SPTLC3: variants seen among roughly 807,000 people sequenced by gnomAD.
SPTLC3 encodes the protein serine palmitoyltransferase 3.
In SPTLC3, 36 loss-of-function variants were observed where a neutral mutation model predicts 59.3. The observed-to-expected ratio is 0.61, with a 90% confidence interval of 0.47 to 0.80. The LOEUF is 0.80. Ranked by LOEUF, SPTLC3 falls within the 30% of genes least tolerant of loss-of-function variation. The pLI is 0.00. For synonymous variants in SPTLC3, 257 were observed against 240.8 expected (o/e 1.07, Z -0.62); for missense variants, 625 against 685.1 (o/e 0.91, Z 0.98).
At position 13,110,116 on chromosome 20, in the gene SPTLC3, A is replaced by G. The variant is rs1320887099; in HGVS notation, c.831A>G (p.Thr277=). ...TTTTTTTGGTATTATTTAAAGACACACAAAGCCTAGAGAAGCTCCTGAGAG... is the reference window on the plus strand; with the variant it reads ...TTTTTTTGGTATTATTTAAAGACACGCAAAGCCTAGAGAAGCTCCTGAGAG... ...ATIRIFKHNN[T]QSLEKLLRDA... Residue 277 remains threonine (T), a synonymous_variant, in exon 7 of 12, where the codon ACA becomes ACG. Coordinates refer to ENST00000399002, the MANE Select transcript of SPTLC3 (RefSeq NM_018327.4). 4 of 1,604,534 alleles carry G rather than the reference A, an allele frequency of 2.5e-6. No individual in the cohort carries two copies. The South Asian group carries it at 3.4e-5, about 14-fold the overall frequency.
At chr20:13,054,146 G>T (rs941871199) in intron 2 of SPTLC3, among the ~76,000 whole-genome samples, 2 of 152,210 alleles carry the variant, frequency 1.3e-5, no homozygotes, top group African/African-American at 4.8e-5. Context: ...TGGTCCAGAG[G>T]TTAGAGAAAG....
Position 13,074,223 on chromosome 20 carries a change from T to C in SPTLC3, c.459-126T>C, listed in dbSNP as rs900638037. ...TCTGTTCCACCTCACAGATCTGAGC[T>C]GCCATCTCCTTGGTCACCTCATCCT... On this transcript the variant is annotated intron_variant, in intron 3 of 11. Transcript: ENST00000399002. The C allele has an allele frequency of 5.9e-6, 7 of 1,195,682 alleles. No individual in the cohort carries two copies. In the African/African-American group the frequency reaches 1.1e-4, roughly 18 times the overall value. The allele number at this position is 1,195,682 out of a possible 1,614,324, so 74.1% of individuals were successfully genotyped here.
chr20:13,105,124 G>C (rs570660873), intron 6 of SPTLC3, among the ~76,000 whole-genome samples: 1 of 152,298 alleles, frequency 6.6e-6, no homozygotes, highest in South Asian at 2.1e-4. Context: ...CCCACGCACT[G>C]TAGCCTTGTA....
intron 1 of SPTLC3, among the ~76,000 whole-genome samples, chr20:13,010,928 G>T (rs554364026): frequency 2.0e-5 from 3 of 152,180 alleles, no homozygotes; most frequent in Admixed American, 6.5e-5. Flanking sequence ...GATTCTAAAG[G>T]TTCATTATGA....
chr20:13,081,256 C>T (rs1988833166), intron 4 of SPTLC3, among the ~76,000 whole-genome samples: 1 of 152,162 alleles, frequency 6.6e-6, no homozygotes, highest in Non-Finnish European at 1.5e-5. Context: ...ACAGAAATAA[C>T]ATTGGTTAAT....
chr20:13,118,420 C>T (rs1005093075), intron 8 of SPTLC3, among the ~76,000 whole-genome samples: 4 of 125,262 alleles, frequency 3.2e-5, no homozygotes, highest in Admixed American at 1.1e-4. Flanking sequence ...CCCTGTCATT[C>T]TAGTGCCAAT....
At chr20:13,014,831 A>G (rs1309862737) in intron 1 of SPTLC3, among the ~76,000 whole-genome samples, 2 of 152,044 alleles carry the variant, frequency 1.3e-5, no homozygotes, top group Non-Finnish European at 2.9e-5. Flanking sequence ...ATTCCGGTCC[A>G]TAATCAGTTG....
At chr20:13,137,371 C>T (rs2038272345) in intron 9 of SPTLC3, among the ~76,000 whole-genome samples, 1 of 152,158 alleles carries the variant, frequency 6.6e-6, no homozygotes, top group Admixed American at 6.6e-5. Flanking sequence ...TAATGGGATG[C>T]TCCTCTTTTC....
chr20:13,101,878 G>C (rs567356653), intron 6 of SPTLC3, among the ~76,000 whole-genome samples: 7 of 152,228 alleles, frequency 4.6e-5, no homozygotes, highest in South Asian at 2.1e-4. Context: ...TCAGAGCAGC[G>C]AGACTGCAGG....
At chr20:13,071,277 C>G (rs1420172082) in intron 2 of SPTLC3, among the ~76,000 whole-genome samples, 1 of 152,186 alleles carries the variant, frequency 6.6e-6, no homozygotes, top group Admixed American at 6.5e-5. Context: ...TTACAGCATT[C>G]TGGTTTTAGT....
intron 9 of SPTLC3, among the ~76,000 whole-genome samples, chr20:13,134,724 T>C (rs2038203359): frequency 6.6e-6 from 1 of 151,224 alleles, no homozygotes; most frequent in Non-Finnish European, 1.5e-5. Flanking sequence ...GAACAGAGGA[T>C]GGAATTCTGG....
At chr20:13,143,600 A>G (rs1307207758) in intron 9 of SPTLC3, among the ~76,000 whole-genome samples, 1 of 152,202 alleles carries the variant, frequency 6.6e-6, no homozygotes, top group Non-Finnish European at 1.5e-5. Context: ...CCTGGGCACA[A>G]GGCAAAAGTC....
intron 4 of SPTLC3, among the ~76,000 whole-genome samples, chr20:13,080,341 C>T (rs1277709548): frequency 6.6e-6 from 1 of 151,950 alleles, no homozygotes; most frequent in Admixed American, 6.6e-5. Context: ...AACCCCGTCT[C>T]TACTAAAAAT....
intron 11 of SPTLC3, among the ~76,000 whole-genome samples, chr20:13,163,730 T>C (rs1012299391): frequency 7.9e-5 from 12 of 152,118 alleles, no homozygotes; most frequent in African/African-American, 2.9e-4. Context: ...ATAAGATCTA[T>C]TAGTCACCCA....
chr20:13,151,650 CAT>C (rs2038651089), intron 9 of SPTLC3, among the ~76,000 whole-genome samples: 1 of 152,192 alleles, frequency 6.6e-6, no homozygotes, highest in Non-Finnish European at 1.5e-5. Context: ...CTGCATATAC[CAT>C]ATTGTTAACA....
intron 4 of SPTLC3, among the ~76,000 whole-genome samples, chr20:13,075,309 A>C (rs1003237216): frequency 6.6e-6 from 1 of 152,324 alleles, no homozygotes; most frequent in Non-Finnish European, 1.5e-5. Flanking sequence ...CTAGTGACAC[A>C]TGCAAGGTTC....
At chr20:13,137,553 G>A (rs971201873) in intron 9 of SPTLC3, among the ~76,000 whole-genome samples, 1 of 152,124 alleles carries the variant, frequency 6.6e-6, no homozygotes, top group Non-Finnish European at 1.5e-5. Flanking sequence ...AAAACTGAGT[G>A]TTCTGTTCCT....
At chr20:13,015,120 T>C (rs895324281) in intron 1 of SPTLC3, among the ~76,000 whole-genome samples, 2 of 152,180 alleles carry the variant, frequency 1.3e-5, no homozygotes, top group Non-Finnish European at 2.9e-5. Context: ...CCTGATCTAA[T>C]GGGCTAATCA....
At chr20:13,085,657 C>A (rs541563162) in intron 4 of SPTLC3, among the ~76,000 whole-genome samples, 3 of 152,318 alleles carry the variant, frequency 2.0e-5, no homozygotes, top group East Asian at 3.9e-4. Flanking sequence ...CACCCACACT[C>A]TTTGTTATTA....
Sources: gnomAD v4.1 joint callset for allele counts (sites outside exome capture counted in the v4.1 genomes callset) on GRCh38, gnomAD v4.1.1 for gene constraint, MANE v1.5 for transcripts, NCBI Gene and HGNC (gene_info 2026-07-23, HGNC 2026-07-21) for gene names.